The following RNF150 variants were observed in gnomAD, a reference collection of about 807,000 sequenced individuals.
The protein encoded by RNF150 is ring finger protein 150.
In RNF150, 24 loss-of-function variants were observed where a neutral mutation model predicts 39.3. The observed-to-expected ratio is 0.61, with a 90% CI of 0.44 to 0.86. RNF150 has a LOEUF of 0.86. Ranked by LOEUF, RNF150 falls within the 40% of genes least tolerant of loss-of-function variation. The probability of loss-of-function intolerance (pLI) is 0.00; values close to 1 mark genes in which losing one functional copy is unlikely to be tolerated. For missense variants in RNF150, 502 were observed against 587.8 expected (o/e 0.85, Z 1.51); for synonymous variants, 255 against 227.3 (o/e 1.12, Z -1.10).
At chr4:141,076,826 A>C (rs1242475052) in intron 1 of RNF150, among the ~76,000 whole-genome samples, 1 of 152,122 alleles carries the variant, frequency 6.6e-6, no homozygotes, top group Non-Finnish European at 1.5e-5. Context: ...TTTAAATTGT[A>C]TTCATTTTAA....
At chr4:141,172,005 T>C (rs918068718) in intron 1 of RNF150, among the ~76,000 whole-genome samples, 1 of 152,208 alleles carries the variant, frequency 6.6e-6, no homozygotes, top group African/African-American at 2.4e-5. Context: ...ATCATATACA[T>C]TTGTACCTAT....
chr4:141,029,437 T>C (rs951719843), intron 1 of RNF150, among the ~76,000 whole-genome samples: 8 of 152,242 alleles, frequency 5.3e-5, no homozygotes, highest in Admixed American at 4.6e-4. Flanking sequence ...TCAACTCTTG[T>C]TCAGTTTATG....
intron 1 of RNF150, among the ~76,000 whole-genome samples, chr4:141,195,859 T>C (rs984448623): frequency 1.3e-5 from 2 of 152,186 alleles, no homozygotes; most frequent in Non-Finnish European, 2.9e-5. Context: ...GGCTGTGAAG[T>C]AGTCTGGGAA....
At chr4:141,029,421 C>T (rs1445514591) in intron 1 of RNF150, among the ~76,000 whole-genome samples, 3 of 152,174 alleles carry the variant, frequency 2.0e-5, no homozygotes, top group Non-Finnish European at 2.9e-5. Context: ...TGTATGTCTT[C>T]CCTCTTCAAC....
intron 2 of RNF150, among the ~76,000 whole-genome samples, chr4:140,961,281 C>G (rs1733013305): frequency 6.6e-6 from 1 of 152,140 alleles, no homozygotes. Context: ...TCTCCAGGTA[C>G]ATGTGACATG....
intron 2 of RNF150, among the ~76,000 whole-genome samples, chr4:140,960,064 A>G (rs891983952): frequency 6.6e-6 from 1 of 152,102 alleles, no homozygotes; most frequent in African/African-American, 2.4e-5. Context: ...CTCTGCTTCA[A>G]TATCTAAAAG....
At chr4:141,075,413 C>T (rs1012552849) in intron 1 of RNF150, among the ~76,000 whole-genome samples, 1 of 152,216 alleles carries the variant, frequency 6.6e-6, no homozygotes, top group African/African-American at 2.4e-5. Context: ...AAGTAACTTT[C>T]AAAATGTAGC....
intron 1 of RNF150, among the ~76,000 whole-genome samples, chr4:141,177,389 A>G (rs185873282): frequency 2.0e-5 from 3 of 152,270 alleles, no homozygotes; most frequent in South Asian, 2.1e-4. Context: ...ATTACACATT[A>G]GGTACATTGG....
At chr4:140,911,416 A>G (rs373191112) in intron 5 of RNF150, 62 bp from the exon 6 acceptor site, 13 of 1,394,206 alleles carry the variant, frequency 9.3e-6, no homozygotes, top group African/African-American at 1.4e-5. Context: ...TTAAATGTCT[A>G]TAGCCTAAAC....
At chr4:141,168,433 C>T (rs1388853028) in intron 1 of RNF150, among the ~76,000 whole-genome samples, 1 of 152,162 alleles carries the variant, frequency 6.6e-6, no homozygotes, top group Non-Finnish European at 1.5e-5. Flanking sequence ...ACCCAGCAAT[C>T]CCATTACTGG....
chr4:140,985,411 A>G (rs2111466129), intron 1 of RNF150, among the ~76,000 whole-genome samples: 1 of 152,242 alleles, frequency 6.6e-6, no homozygotes, highest in Non-Finnish European at 1.5e-5. Flanking sequence ...CTCTGACCTT[A>G]TGAGAGAATG....
intron 1 of RNF150, among the ~76,000 whole-genome samples, chr4:141,079,054 G>T (rs1412127026): frequency 6.6e-6 from 1 of 151,930 alleles, no homozygotes; most frequent in African/African-American, 2.4e-5. Context: ...ATTTACAGAA[G>T]AACTATATTG....
At chr4:140,985,514 C>T (rs1733989960) in intron 1 of RNF150, among the ~76,000 whole-genome samples, 1 of 152,060 alleles carries the variant, frequency 6.6e-6, no homozygotes, top group Non-Finnish European at 1.5e-5. Context: ...AGCTTTCTGT[C>T]TAATGTAGCC....
intron 1 of RNF150, among the ~76,000 whole-genome samples, chr4:141,032,568 A>G (rs963696847): frequency 1.3e-5 from 2 of 152,170 alleles, no homozygotes; most frequent in African/African-American, 4.8e-5. Flanking sequence ...TCATAAATTC[A>G]TACAACATTT....
intron 1 of RNF150, among the ~76,000 whole-genome samples, chr4:141,192,397 C>G (rs1728125327): frequency 6.6e-6 from 1 of 152,142 alleles, no homozygotes; most frequent in African/African-American, 2.4e-5. Context: ...ATGGAACAAT[C>G]TCTGCTTCAT....
chr4:140,926,189 A>C, intron 4 of RNF150, 116 bp from the exon 5 acceptor site: 1 of 714,340 alleles, frequency 1.4e-6, no homozygotes, highest in Non-Finnish European at 2.5e-6. Context: ...GCCAAGACTC[A>C]AACCTCCATC....
chr4:141,013,539 T>A (rs1428559466), intron 1 of RNF150, among the ~76,000 whole-genome samples: 1 of 152,238 alleles, frequency 6.6e-6, no homozygotes, highest in African/African-American at 2.4e-5. Context: ...CTAAGTCTTC[T>A]ACGCTATCCT....
At chr4:141,029,667 G>T (rs1273622160) in intron 1 of RNF150, among the ~76,000 whole-genome samples, 2 of 152,064 alleles carry the variant, frequency 1.3e-5, no homozygotes, top group African/African-American at 4.8e-5. Flanking sequence ...GCAGCCAAAG[G>T]GAATTCCTTT....
intron 1 of RNF150, among the ~76,000 whole-genome samples, chr4:141,179,986 T>C (rs1727877865): frequency 6.6e-6 from 1 of 152,190 alleles, no homozygotes; most frequent in Admixed American, 6.5e-5. Flanking sequence ...AACCATCCAA[T>C]TAATCTTTTT....
Sources: allele counts gnomAD v4.1 joint callset (sites outside exome capture counted in the v4.1 genomes callset), GRCh38; gene constraint gnomAD v4.1.1; transcripts MANE v1.5; gene names NCBI Gene and HGNC (gene_info 2026-07-23, HGNC 2026-07-21).